GALNTL6: variants seen among roughly 807,000 people sequenced by gnomAD.
The protein encoded by GALNTL6 is polypeptide N-acetylgalactosaminyltransferase like 6.
Under a neutral mutation model 73.7 loss-of-function variants are expected in GALNTL6, and 46 were observed. The ratio of observed to expected loss-of-function variants is 0.62; its 90% CI spans 0.49 to 0.80. The LOEUF (loss-of-function observed/expected upper bound fraction) is 0.80, where lower values mean the gene tolerates loss of function less well. GALNTL6 is among the 30% of genes least tolerant of loss of function. The pLI is 0.00. For missense variants in GALNTL6, 604 were observed against 755.0 expected, an observed-to-expected ratio of 0.80 and a Z score of 2.34; for synonymous variants, 259 against 263.7, an observed-to-expected ratio of 0.98 and a Z score of 0.17.
chr4:172,848,948 A>G (rs1465186226), intron 7 of GALNTL6, among the ~76,000 whole-genome samples: 2 of 152,154 alleles, frequency 1.3e-5, no homozygotes, highest in African/African-American at 4.8e-5. Flanking sequence ...AGTAGCTGCC[A>G]GTGAGAATCT....
intron 2 of GALNTL6, among the ~76,000 whole-genome samples, chr4:171,842,980 T>G (rs1735276428): frequency 6.6e-6 from 1 of 152,158 alleles, no homozygotes; most frequent in Non-Finnish European, 1.5e-5. Flanking sequence ...TATTTCCAAT[T>G]TTACAAGACT....
At chr4:171,815,653 TATTAATATTCTTA>T (rs952858601) in intron 2 of GALNTL6, 3 of 152,248 alleles carry the variant, frequency 2.0e-5, no homozygotes, top group Non-Finnish European at 4.4e-5. Context: ...CACCTTGGAA[TATTAATATTCTTA>T]ATTTCAAGGG....
chr4:172,521,378 G>A (rs1446876302), intron 5 of GALNTL6, among the ~76,000 whole-genome samples: 2 of 152,100 alleles, frequency 1.3e-5, no homozygotes, highest in Non-Finnish European at 2.9e-5. Context: ...GCACATTGCA[G>A]ACATCTGTTA....
chr4:172,200,929 G>T (rs1209621093), intron 2 of GALNTL6, among the ~76,000 whole-genome samples: 2 of 152,066 alleles, frequency 1.3e-5, no homozygotes, highest in Admixed American at 1.3e-4. Context: ...TGCAATGCTG[G>T]GTACTTACTC....
chr4:171,958,810 C>A (rs993882349), intron 2 of GALNTL6, among the ~76,000 whole-genome samples: 1 of 152,012 alleles, frequency 6.6e-6, no homozygotes, highest in Non-Finnish European at 1.5e-5. Flanking sequence ...ATTTATATTT[C>A]TTTGACTCAA....
chr4:172,547,285 T>G (rs1288259392), intron 5 of GALNTL6, among the ~76,000 whole-genome samples: 1 of 152,028 alleles, frequency 6.6e-6, no homozygotes, highest in African/African-American at 2.4e-5. Flanking sequence ...ATACCAATAT[T>G]GATAGAATTG....
At chr4:172,092,662 TTGA>T (rs929364565) in intron 2 of GALNTL6, among the ~76,000 whole-genome samples, 2 of 152,044 alleles carry the variant, frequency 1.3e-5, no homozygotes, top group African/African-American at 4.8e-5. Flanking sequence ...CTTTTACTCT[TTGA>T]TAGAGTAAAT....
chr4:172,249,251 G>C (rs911556385), intron 3 of GALNTL6, among the ~76,000 whole-genome samples: 1 of 152,204 alleles, frequency 6.6e-6, no homozygotes, highest in South Asian at 2.1e-4. Context: ...GCTATGCAAA[G>C]ATACTGGCAG....
chr4:172,512,428 C>A (rs1734456830), intron 5 of GALNTL6, among the ~76,000 whole-genome samples: 1 of 151,932 alleles, frequency 6.6e-6, no homozygotes, highest in African/African-American at 2.4e-5. Flanking sequence ...GCATTTAGGC[C>A]ATTTACATTC....
chr4:171,885,568 G>A (rs1251001260), intron 2 of GALNTL6, among the ~76,000 whole-genome samples: 1 of 152,158 alleles, frequency 6.6e-6, no homozygotes, highest in Non-Finnish European at 1.5e-5. Flanking sequence ...TGCTTTGGGA[G>A]GCCAAAGCAG....
At position 173,021,630 on chromosome 4, in the gene GALNTL6, G is replaced by C; in HGVS notation, c.1638+5G>C. 1 of 1,613,756 alleles carries C rather than the reference G, an allele frequency of 6.2e-7. No individual in the cohort carries two copies. ...CAGCTCTGGGGATACCGGAAGGTAA[G>C]AGTCAGTCCACTGTGGTCATTCTCA... is the stretch of plus-strand genomic sequence containing the variant. On this transcript the variant is annotated splice_donor_5th_base_variant and intron_variant, in intron 12 of 12. Coordinates refer to ENST00000506823, the MANE Select transcript of GALNTL6 (RefSeq NM_001034845.3).
At chr4:172,164,534 A>G (rs1734565927) in intron 2 of GALNTL6, among the ~76,000 whole-genome samples, 1 of 152,018 alleles carries the variant, frequency 6.6e-6, no homozygotes, top group Non-Finnish European at 1.5e-5. Context: ...CAAGTTTACT[A>G]CTTTTCAAGT....
At chr4:173,012,743 A>G (rs1752610519) in intron 11 of GALNTL6, among the ~76,000 whole-genome samples, 1 of 152,198 alleles carries the variant, frequency 6.6e-6, no homozygotes, top group Non-Finnish European at 1.5e-5. Flanking sequence ...TTATGCTAAT[A>G]CCAAATTAGA....
chr4:172,493,607 C>A (rs771863709), intron 5 of GALNTL6, among the ~76,000 whole-genome samples: 24 of 151,994 alleles, frequency 1.6e-4, no homozygotes, highest in Non-Finnish European at 3.5e-4. Flanking sequence ...TTATTCATAA[C>A]CTTAACTGAC....
chr4:172,255,310 T>C (rs140484441), intron 3 of GALNTL6, among the ~76,000 whole-genome samples: 692 of 67,486 alleles, frequency 0.01, 7 homozygotes, highest in African/African-American at 0.032. Context: ...TTTAAATCAC[T>C]GTGCTGAGAA....
intron 5 of GALNTL6, among the ~76,000 whole-genome samples, chr4:172,778,207 C>A (rs1462790885): frequency 1.3e-5 from 2 of 152,222 alleles, no homozygotes; most frequent in African/African-American, 4.8e-5. Flanking sequence ...ACAGAGACAT[C>A]TTTTCTGCAT....
At chr4:172,957,158 A>G (rs921784287) in intron 10 of GALNTL6, among the ~76,000 whole-genome samples, 6 of 152,190 alleles carry the variant, frequency 3.9e-5, no homozygotes, top group Non-Finnish European at 7.3e-5. Flanking sequence ...CCCGAGCTTG[A>G]TGTGTAGGGA....
chr4:172,857,760 T>G (rs2111126824), intron 7 of GALNTL6, among the ~76,000 whole-genome samples: 1 of 152,338 alleles, frequency 6.6e-6, no homozygotes, highest in South Asian at 2.1e-4. Flanking sequence ...AAAGCAATTC[T>G]CTGAATTTAA....
At chr4:172,104,736 G>A (rs17058060) in intron 2 of GALNTL6, among the ~76,000 whole-genome samples, 61,653 of 151,926 alleles carry the variant, frequency 0.41, 13,064 homozygotes, top group African/African-American at 0.5. Flanking sequence ...TGGCTAATGA[G>A]TAGAAAAACT....
Sources: allele counts gnomAD v4.1 joint callset (sites outside exome capture counted in the v4.1 genomes callset), GRCh38; gene constraint gnomAD v4.1.1; transcripts MANE v1.5; gene names NCBI Gene and HGNC (gene_info 2026-07-23, HGNC 2026-07-21).